Variants in PLEKHH1 observed in about 807,000 individuals in gnomAD.
The protein encoded by PLEKHH1 is pleckstrin homology, MyTH4 and FERM domain containing H1.
PLEKHH1 carries 104 observed loss-of-function variants against 160.0 expected under a neutral mutation model. The observed-to-expected ratio is 0.65, with a 90% CI of 0.55 to 0.76. PLEKHH1 has a LOEUF of 0.76. Ranked by LOEUF, PLEKHH1 falls within the 30% of genes least tolerant of loss-of-function variation. The probability of loss-of-function intolerance (pLI) is 0.00; values close to 1 mark genes in which losing one functional copy is unlikely to be tolerated. For missense variants in PLEKHH1, 1,427 were observed against 1,724.1 expected (o/e 0.83, Z 3.05); for synonymous variants, 619 against 678.4 (o/e 0.91, Z 1.36).
chr14:67,577,461 C>T (rs1308243804), intron 18 of PLEKHH1, 47 bp downstream of exon 18: 1 of 1,232,720 alleles, frequency 8.1e-7, no homozygotes, highest in South Asian at 1.3e-5. Flanking sequence ...ACTTGCAATA[C>T]TTGGGTGGAG....
Position 67,562,228 on chromosome 14 carries a change from T to A in PLEKHH1, c.597T>A (p.Pro199=). 6.2e-7 allele frequency: 1 copy of A among 1,612,336 alleles called. No homozygotes were observed. The highest frequency in any genetic ancestry group is 1.1e-5 in the South Asian group (1 of 90,760). ...DSVPSEPGIQ[P]MGQDSGSQAQ... ...TCCCTTCAGAGCCGGGAATCCAGCCTATGGGCCAGGACAGTGGCTCCCAGG... is the reference window on the plus strand; with the variant it reads ...TCCCTTCAGAGCCGGGAATCCAGCCAATGGGCCAGGACAGTGGCTCCCAGG... The change falls in exon 7 of 29, where the codon CCT becomes CCA. Residue 199 remains proline, a synonymous_variant. Transcript: ENST00000329153.
Position 67,573,412 on chromosome 14 carries a change from C to A in PLEKHH1, c.1839+26C>A. 1 of 1,339,982 alleles carries A rather than the reference C, an allele frequency of 7.5e-7. No individual in the cohort carries two copies. The highest frequency in any genetic ancestry group is 1.1e-6 in the Non-Finnish European group (1 of 930,630). 83.0% of individuals were successfully genotyped at this position (1,339,982 alleles called of 1,614,324 possible). On this transcript the variant is annotated intron_variant, in intron 12 of 28. Coordinates refer to ENST00000329153, the MANE Select transcript of PLEKHH1 (RefSeq NM_020715.3). This position sits in a 1 kb window ranked among gnomAD's most constrained non-coding sequence, Gnocchi z 4.8. ...GTGAGAGTCTCCCCGCCCAGCACTGCAGTCAAAAGGTCTCCACATCACACC... is the reference window on the plus strand; with the variant it reads ...GTGAGAGTCTCCCCGCCCAGCACTGAAGTCAAAAGGTCTCCACATCACACC...
chr14:67,580,765 G>A, intron 22 of PLEKHH1, 173 bp from the exon 23 acceptor site: 1 of 577,604 alleles, frequency 1.7e-6, no homozygotes, highest in South Asian at 2.1e-5. Context: ...TTGTGAGGGA[G>A]CTGCTGCCAC....
intron 2 of PLEKHH1, among the ~76,000 whole-genome samples, chr14:67,549,117 T>A (rs1166034965): frequency 2.6e-5 from 4 of 151,904 alleles, no homozygotes; most frequent in Non-Finnish European, 5.9e-5. Context: ...CAAGGATGAG[T>A]TGGAAGTATG....
At chr14:67,533,539 A>C (rs1191284690) in intron 1 of PLEKHH1, 141 bp downstream of exon 1, 1 of 151,202 alleles carries the variant, frequency 6.6e-6, no homozygotes, top group South Asian at 2.1e-4. Context: ...GCGAGCTCCC[A>C]GCGGCGGGGA....
At chr14:67,555,251 C>G (rs1186704201) in intron 2 of PLEKHH1, among the ~76,000 whole-genome samples, 1 of 152,180 alleles carries the variant, frequency 6.6e-6, no homozygotes, top group Non-Finnish European at 1.5e-5. Flanking sequence ...GTATCTTGAG[C>G]CTCTCTTTCT....
At chr14:67,561,411 C>G (rs2034830862) in intron 5 of PLEKHH1, among the ~76,000 whole-genome samples, 1 of 152,098 alleles carries the variant, frequency 6.6e-6, no homozygotes, top group South Asian at 2.1e-4. Flanking sequence ...ATTAGCCGGG[C>G]ATAGTGGCGT....
chr14:67,583,347 TG>T lies in PLEKHH1; in HGVS notation c.3427-393del, dbSNP rs552733333. Among the ~76,000 whole-genome samples the T allele has an allele frequency of 2.0e-3, 308 of 152,264 alleles. 3 individuals carry two copies. The highest frequency in any genetic ancestry group is 3.5e-3 in the Admixed American group (54 of 15,302). On this transcript the variant is annotated intron_variant, in intron 24 of 28. Transcript: ENST00000329153. Reference sequence around the variant, plus strand: ...ACACAAAGCTGGGATTTGCGCCAGGTGTCCAACTCCAAAGGCCACATTTGGA... The same window carrying T: ...ACACAAAGCTGGGATTTGCGCCAGGTTCCAACTCCAAAGGCCACATTTGGA...
intron 3 of PLEKHH1, 89 bp from the exon 4 acceptor site, chr14:67,557,180 C>T: frequency 1.9e-6 from 2 of 1,040,002 alleles, no homozygotes; most frequent in Middle Eastern, 2.2e-4. Context: ...CAGCCTGGGG[C>T]ATCAGACGGT....
intron 22 of PLEKHH1, chr14:67,580,167 G>A: frequency 3.3e-6 from 1 of 306,958 alleles, no homozygotes; most frequent in Admixed American, 4.6e-5. Flanking sequence ...TAGGGACAGT[G>A]AGGCCCCACG....
intron 5 of PLEKHH1, 112 bp downstream of exon 5, chr14:67,559,803 GTCCAGCACTTGTTTTGCA>G (rs1267474622): frequency 1.9e-5 from 13 of 686,474 alleles, no homozygotes; most frequent in African/African-American, 1.6e-4. Flanking sequence ...CCTTCATTCT[GTCCAGCACTTGTTTTGCA>G]TTCAGCCTCC....
chr14:67,574,480 G>A lies in PLEKHH1; in HGVS notation c.2088+77G>A, dbSNP rs979857492. On this transcript the variant is annotated intron_variant, in intron 14 of 28. Transcript: ENST00000329153. This position sits in a 1 kb window ranked among gnomAD's most constrained non-coding sequence, Gnocchi z 4.2. ...GAGCCAGGATTGGGGTGCCGAGGGT[G>A]GTGGGTTCCCCCTTATACGGGGCTC... The A allele has an allele frequency of 8.1e-7, 1 of 1,238,368 alleles. No individual in the cohort carries two copies. Among genetic ancestry groups the A allele is most frequent in the Non-Finnish European group, 1.1e-6 (1 of 932,656 alleles). The allele number at this position is 1,238,368 out of a possible 1,614,324, so 76.7% of individuals were successfully genotyped here. A position where few individuals can be genotyped will look rare whatever the true frequency, so the allele number is the denominator to read the frequency against.
chr14:67,574,906 C>G lies in PLEKHH1; in HGVS notation c.2089-486C>G, dbSNP rs925841779. ...GCTAGACCAGAACACCAGCAGGAAC[C>G]AAAGCGACTTGCACTCAGCAAGCTC... On this transcript the variant is annotated intron_variant, in intron 14 of 28. Coordinates refer to ENST00000329153, the MANE Select transcript of PLEKHH1 (RefSeq NM_020715.3). This position sits in a 1 kb window ranked among gnomAD's most constrained non-coding sequence, Gnocchi z 4.2. Among the ~76,000 whole-genome samples, 1 of 152,182 alleles carries G rather than the reference C, an allele frequency of 6.6e-6. No homozygotes were observed. Among genetic ancestry groups the G allele is most frequent in the Admixed American group, 6.5e-5 (1 of 15,286 alleles).
chr14:67,567,062 A>G (rs181225426), intron 7 of PLEKHH1, among the ~76,000 whole-genome samples: 69 of 152,188 alleles, frequency 4.5e-4, no homozygotes, highest in Middle Eastern at 3.4e-3. Context: ...CCTGTTTGCA[A>G]TCCCCTTTGT....
intron 2 of PLEKHH1, among the ~76,000 whole-genome samples, chr14:67,546,522 C>T (rs2034188057): frequency 6.6e-6 from 1 of 152,136 alleles, no homozygotes; most frequent in South Asian, 2.1e-4. Context: ...TCCCGAGTAG[C>T]TGGGATTACA....
In PLEKHH1 at chr14:67,575,456, G is replaced by A. The variant is rs748756908; in HGVS notation, c.2153G>A (p.Arg718Gln). ...GTTGGGAAAATCTTCTACTACTATC[G>A]GAGCCATGAGGACAAGGTACTTCTC... ...ALVGKIFYYY[R>Q]SHEDKRPLGC... The change falls in exon 15 of 29, where the codon CGG (arginine) becomes CAG (glutamine). Residue 718 changes from arginine to glutamine, a missense_variant. Arg to Gln is a conservative substitution (Grantham distance 43). This residue lies in a region of PLEKHH1 where 831 missense variants were observed against 929.2 expected (regional missense o/e 0.89). Coordinates refer to ENST00000329153, the MANE Select transcript of PLEKHH1 (RefSeq NM_020715.3). 2.6e-5 allele frequency: 41 copies of A among 1,602,720 alleles called. No homozygotes were observed. Among genetic ancestry groups the A allele is most frequent in the East Asian group, 1.6e-4 (7 of 44,704 alleles).
At chr14:67,548,359 C>G (rs2034259846) in intron 2 of PLEKHH1, among the ~76,000 whole-genome samples, 1 of 152,114 alleles carries the variant, frequency 6.6e-6, no homozygotes, top group South Asian at 2.1e-4. Flanking sequence ...TTTCTTTACT[C>G]CCTATCTGCT....
chr14:67,578,270 G>A lies in PLEKHH1; in HGVS notation c.2751+71G>A. 2 of 1,382,738 alleles carry A rather than the reference G, an allele frequency of 1.4e-6. No homozygotes were observed. The highest frequency in any genetic ancestry group is 1.8e-4 in the Middle Eastern group (1 of 5,480). 85.7% of individuals were successfully genotyped at this position (1,382,738 alleles called of 1,614,324 possible). On this transcript the variant is annotated intron_variant, in intron 19 of 28. Coordinates refer to ENST00000329153, the MANE Select transcript of PLEKHH1 (RefSeq NM_020715.3). This position sits in a 1 kb window ranked among gnomAD's most constrained non-coding sequence, Gnocchi z 5.0. ...GGCTGCCAGGTGGGAAAGGTGGGAG[G>A]AGGTGACTGGGCAGGTATACGGTGA... is the stretch of plus-strand genomic sequence containing the variant.
At chr14:67,543,557 C>G (rs1221999522) in intron 2 of PLEKHH1, among the ~76,000 whole-genome samples, 1 of 152,198 alleles carries the variant, frequency 6.6e-6, no homozygotes, top group African/African-American at 2.4e-5. Flanking sequence ...CCAGTCCTCT[C>G]AATTGAAGTC....
Sources: allele counts gnomAD v4.1 joint callset (sites outside exome capture counted in the v4.1 genomes callset), GRCh38; gene constraint gnomAD v4.1.1; regional missense constraint gnomAD v4.1.1; non-coding constraint Gnocchi (gnomAD v3.1); transcripts MANE v1.5; gene names NCBI Gene and HGNC (gene_info 2026-07-23, HGNC 2026-07-21).